The following MGMT variants were observed in gnomAD, a reference collection of about 807,000 sequenced individuals.
The protein encoded by MGMT is O-6-methylguanine-DNA methyltransferase.
In MGMT, 14 loss-of-function variants were observed where a neutral mutation model predicts 15.9. That is an observed-to-expected ratio of 0.88 (90% confidence interval 0.58 to 1.37). The LOEUF (loss-of-function observed/expected upper bound fraction) is 1.37, where lower values mean the gene tolerates loss of function less well. MGMT is among the 40% of genes most tolerant of loss of function. MGMT has a pLI of 0.00. For synonymous variants in MGMT, 130 were observed against 118.2 expected (o/e 1.10, Z -0.65); for missense variants, 282 against 268.1 (o/e 1.05, Z -0.36).
intron 3 of MGMT, among the ~76,000 whole-genome samples, chr10:129,728,200 AAAGAAG>A (rs979899016): frequency 6.6e-6 from 1 of 152,180 alleles, no homozygotes; most frequent in Non-Finnish European, 1.5e-5. Flanking sequence ...ATGGCAGGGA[AAAGAAG>A]AAGAAGGGAT....
chr10:129,649,532 T>C (rs1044464231), intron 2 of MGMT, among the ~76,000 whole-genome samples: 6 of 152,200 alleles, frequency 3.9e-5, no homozygotes, highest in Non-Finnish European at 7.4e-5. Flanking sequence ...TATTGGCAGA[T>C]AATTCTGCTT....
chr10:129,707,890 T>C lies in MGMT; in HGVS notation c.126-5T>C, dbSNP rs186831703. On this transcript the variant is annotated splice_region_variant and splice_polypyrimidine_tract_variant and intron_variant, in intron 2 of 4. Transcript: ENST00000651593. ...TTTACTAAGCCCCTGTTCTCACTTT[T>C]GCAGTGCCGTGGAGGTCCCAGCCCC... The C allele has an allele frequency of 6.0e-5, 97 of 1,611,056 alleles. No individual in the cohort carries two copies. The highest frequency in any genetic ancestry group is 3.6e-4 in the Middle Eastern group (2 of 5,568).
chr10:129,657,713 A>ACACG (rs1847545421), intron 2 of MGMT, among the ~76,000 whole-genome samples: 3 of 148,230 alleles, frequency 2.0e-5, no homozygotes, highest in African/African-American at 7.6e-5. Flanking sequence ...ACACGCACAC[A>ACACG]CACACACACA....
intron 2 of MGMT, among the ~76,000 whole-genome samples, chr10:129,647,448 G>A (rs534309393): frequency 8.5e-4 from 129 of 152,318 alleles, no homozygotes; most frequent in African/African-American, 3.0e-3. Context: ...TAGGAAATGC[G>A]CTAGGGGGTC....
At chr10:129,676,042 G>A (rs1847781654) in intron 2 of MGMT, among the ~76,000 whole-genome samples, 1 of 152,210 alleles carries the variant, frequency 6.6e-6, no homozygotes, top group South Asian at 2.1e-4. Flanking sequence ...GAGTGAGGGA[G>A]GGAAGGGGCT....
In MGMT at chr10:129,766,937, A is replaced by C. The variant is rs1404021144; in HGVS notation, c.564A>C (p.Ala188=). The change falls in exon 5 of 5, where the codon GCA becomes GCC. Residue 188 remains alanine (A), a synonymous_variant. Transcript: ENST00000651593. ...KPGLGGSSGL[A]GAWLKGAGAT... is the part of the protein sequence containing the mutation. ...GCTTGGGAGGGAGCTCAGGTCTGGC[A>C]GGGGCCTGGCTCAAGGGAGCGGGAG... The C allele has an allele frequency of 6.2e-7, 1 of 1,613,154 alleles. No homozygotes were observed. Among genetic ancestry groups the C allele is most frequent in the African/African-American group, 1.3e-5 (1 of 74,958 alleles).
chr10:129,575,231 T>C (rs1029244651), intron 2 of MGMT, among the ~76,000 whole-genome samples: 2 of 149,358 alleles, frequency 1.3e-5, no homozygotes, highest in African/African-American at 2.4e-5. Flanking sequence ...CAGAATATAC[T>C]TTTTTTTCAG....
intron 2 of MGMT, among the ~76,000 whole-genome samples, chr10:129,620,862 A>C (rs1193831731): frequency 6.6e-6 from 1 of 151,910 alleles, no homozygotes; most frequent in African/African-American, 2.4e-5. Flanking sequence ...TTTATTCTTC[A>C]TTCCTGTTTT....
chr10:129,681,154 C>T (rs1170247207), intron 2 of MGMT, among the ~76,000 whole-genome samples: 1 of 152,226 alleles, frequency 6.6e-6, no homozygotes, highest in Non-Finnish European at 1.5e-5. Context: ...CCGATGGTCT[C>T]CACCTGTGGC....
intron 1 of MGMT, among the ~76,000 whole-genome samples, chr10:129,478,096 C>T (rs1845315740): frequency 6.6e-6 from 1 of 152,282 alleles, no homozygotes; most frequent in East Asian, 1.9e-4. Context: ...TGTCCTGGCC[C>T]TGGGTGGGCT....
rs182739472 is a variant in MGMT at position 129,659,483 on chromosome 10, A to G, written c.126-48412A>G. 2.0e-5 allele frequency among the ~76,000 whole-genome samples: 3 copies of G among 152,286 alleles called. No individual in the cohort carries two copies. Among genetic ancestry groups the G allele is most frequent in the Non-Finnish European group, 4.4e-5 (3 of 68,018 alleles). On this transcript the variant is annotated intron_variant, in intron 2 of 4. Coordinates refer to ENST00000651593, the MANE Select transcript of MGMT (RefSeq NM_002412.5). The surrounding 1 kb of genome is among the most constrained non-coding windows in gnomAD (Gnocchi z 4.1). ...GCGTAAGGGAGTTAGCTTCATGGCA[A>G]GCTCTCTGGAGAACACAGGCCATTG...
intron 3 of MGMT, among the ~76,000 whole-genome samples, chr10:129,744,996 C>T (rs572632682): frequency 5.9e-5 from 9 of 152,066 alleles, no homozygotes; most frequent in Non-Finnish European, 1.0e-4. Flanking sequence ...GATAGAGCCC[C>T]GGGAGGTAGG....
At chr10:129,675,620 T>G (rs1847776769) in intron 2 of MGMT, among the ~76,000 whole-genome samples, 1 of 151,844 alleles carries the variant, frequency 6.6e-6, no homozygotes, top group Non-Finnish European at 1.5e-5. Context: ...CTTGTTGAGG[T>G]CCAGGGAACC....
rs969719957 is a variant in MGMT, at chr10:129,732,537, CT to C, written c.274+24503del. Among the ~76,000 whole-genome samples, 203 of 148,902 alleles carry C rather than the reference CT, an allele frequency of 1.4e-3. 2 individuals carry two copies. Among genetic ancestry groups the C allele is most frequent in the Admixed American group, 2.9e-3 (43 of 14,906 alleles). ...CCATAGTGTACACATGCCACATTTT[CT>C]TTTTTTTTGGCATTTTTTTTAATTT... On this transcript the variant is annotated intron_variant, in intron 3 of 4. Coordinates refer to ENST00000651593, the MANE Select transcript of MGMT (RefSeq NM_002412.5).
intron 2 of MGMT, chr10:129,694,209 A>G (rs1848003597): frequency 6.6e-6 from 1 of 152,188 alleles, no homozygotes; most frequent in Non-Finnish European, 1.5e-5. Flanking sequence ...GTACCAGTTG[A>G]AGGGTTTGGG....
chr10:129,720,419 G>A (rs1010019630), intron 3 of MGMT, among the ~76,000 whole-genome samples: 3 of 152,170 alleles, frequency 2.0e-5, no homozygotes, highest in African/African-American at 7.2e-5. Flanking sequence ...GCGGCCTTGG[G>A]GGCCCACAGG....
chr10:129,674,189 A>C (rs531962911), intron 2 of MGMT, among the ~76,000 whole-genome samples: 1 of 152,284 alleles, frequency 6.6e-6, no homozygotes, highest in Non-Finnish European at 1.5e-5. Flanking sequence ...ACAATTAGAA[A>C]CCACTCAAAT....
At chr10:129,575,083 T>C (rs1026178593) in intron 2 of MGMT, among the ~76,000 whole-genome samples, 3 of 152,044 alleles carry the variant, frequency 2.0e-5, no homozygotes, top group Non-Finnish European at 4.4e-5. Context: ...ACAACAATAA[T>C]GGGAGACTTT....
chr10:129,518,715 G>A (rs1209881253), intron 1 of MGMT, among the ~76,000 whole-genome samples: 1 of 149,022 alleles, frequency 6.7e-6, no homozygotes, highest in East Asian at 2.0e-4. Context: ...AGAATACAGT[G>A]TATAATATGG....
Sources: gnomAD v4.1 joint callset for allele counts (sites outside exome capture counted in the v4.1 genomes callset) on GRCh38, gnomAD v4.1.1 for gene constraint, Gnocchi (gnomAD v3.1) non-coding constraint, MANE v1.5 for transcripts, NCBI Gene and HGNC (gene_info 2026-07-23, HGNC 2026-07-21) for gene names.